Variants in CHGB observed in about 807,000 individuals in gnomAD.
CHGB encodes the protein chromogranin B.
In CHGB, 46 loss-of-function variants were observed where a neutral mutation model predicts 69.9. That is an observed-to-expected ratio of 0.66 (90% CI 0.52 to 0.84). The LOEUF (loss-of-function observed/expected upper bound fraction) is 0.84, where lower values mean the gene tolerates loss of function less well. CHGB is among the 40% of genes least tolerant of loss of function. The pLI is 0.00. For synonymous variants in CHGB, 312 were observed against 298.2 expected (o/e 1.05, Z -0.48); for missense variants, 796 against 822.2 (o/e 0.97, Z 0.39).
At position 5,925,008 on chromosome 20, in the gene CHGB, G is replaced by A; in HGVS notation, c.1993G>A (p.Glu665Lys). The A allele has an allele frequency of 6.2e-7, 1 of 1,613,562 alleles. No homozygotes were observed. The highest frequency in any genetic ancestry group is 8.5e-7 in the Non-Finnish European group (1 of 1,179,690). ...CGAAAACTTGGCTGCAATGGATTTGGAACTACAGAAGATAGCTGAGAAATT... is the reference window on the plus strand; with the variant it reads ...CGAAAACTTGGCTGCAATGGATTTGAAACTACAGAAGATAGCTGAGAAATT... ...ELENLAAMDL[E>K]LQKIAEKFSQ... Residue 665 changes from glutamate to lysine, a missense_variant, in exon 5 of 5, where the codon GAA becomes AAA. Glu to Lys is a moderately conservative substitution (Grantham distance 56, BLOSUM62 1). Transcript: ENST00000378961.
At position 5,922,871 on chromosome 20, in the gene CHGB, A is replaced by T. The variant is rs236151; in HGVS notation, c.727A>T (p.Thr243Ser). 6.2e-7 allele frequency: 1 copy of T among 1,613,736 alleles called. No individual in the cohort carries two copies. The highest frequency in any genetic ancestry group is 8.5e-7 in the Non-Finnish European group (1 of 1,179,858). Reference protein sequence around the residue: ...EKSSQESGEETGSQENHPQES... With the variant: ...EKSSQESGEESGSQENHPQES... Reference sequence around the variant, plus strand: ...GAGTAGCCAGGAGAGTGGAGAGGAGACAGGGAGCCAGGAGAATCACCCCCA... The same window carrying T: ...GAGTAGCCAGGAGAGTGGAGAGGAGTCAGGGAGCCAGGAGAATCACCCCCA... Residue 243 changes from threonine to serine, a missense_variant, in exon 4 of 5, where the codon ACA (threonine) becomes TCA (serine). Around this residue, in one of 3 missense-constraint regions of CHGB, gnomAD observed 518 missense variants for 506.3 expected, o/e 1.02. Transcript: ENST00000378961.
intron 4 of CHGB, among the ~76,000 whole-genome samples, 153 bp from the exon 5 acceptor site, chr20:5,924,819 G>A (rs540420047): frequency 1.3e-5 from 2 of 152,294 alleles, no homozygotes; most frequent in African/African-American, 4.8e-5. Flanking sequence ...TGATGCCACT[G>A]GTCAGGGGAC....
At chr20:5,918,810 TAAAAAAAAAAAAA>T (rs71182109) in intron 3 of CHGB, among the ~76,000 whole-genome samples, 18 of 31,430 alleles carry the variant, frequency 5.7e-4, no homozygotes, top group East Asian at 1.5e-3. Flanking sequence ...AGTCTCTGTC[TAAAAAAAAAAAAA>T]AAAAAAAAAA....
rs1201996881 is a variant in CHGB at position 5,922,658 on chromosome 20, A to G, written c.514A>G (p.Asn172Asp). 1.2e-6 allele frequency: 2 copies of G among 1,613,900 alleles called. No individual in the cohort carries two copies. The highest frequency in any genetic ancestry group is 2.2e-5 in the East Asian group (1 of 44,864). ...REDEEEEEGE[N>D]YQKGERGEDS... ...GGATGAGGAGGAGGAGGAGGGAGAG[A>G]ACTATCAAAAAGGGGAGCGAGGGGA... Residue 172 changes from asparagine to aspartate, a missense_variant, in exon 4 of 5, where the codon AAC becomes GAC. Asn to Asp is a conservative substitution (Grantham distance 23, BLOSUM62 1). Around this residue, in one of 3 missense-constraint regions of CHGB, gnomAD observed 518 missense variants for 506.3 expected, o/e 1.02. Coordinates refer to ENST00000378961, the MANE Select transcript of CHGB (RefSeq NM_001819.3).
intron 1 of CHGB, 34 bp from the exon 2 acceptor site, chr20:5,916,292 T>G (rs765083560): frequency 1.2e-6 from 2 of 1,601,824 alleles, no homozygotes; most frequent in Non-Finnish European, 1.7e-6. Flanking sequence ...AAAAACCAAC[T>G]CAAGTCATTT....
intron 2 of CHGB, 100 bp downstream of exon 2, chr20:5,916,472 T>A (rs1241837937): frequency 9.5e-7 from 1 of 1,056,766 alleles, no homozygotes; most frequent in East Asian, 2.6e-5. Flanking sequence ...GACATAATCT[T>A]ACAAAGCCAG....
chr20:5,913,895 G>T (rs2088461166), intron 1 of CHGB, among the ~76,000 whole-genome samples: 1 of 151,970 alleles, frequency 6.6e-6, no homozygotes, highest in Non-Finnish European at 1.5e-5. Context: ...GACTCCCAAA[G>T]TGTTGAGATT....
intron 1 of CHGB, among the ~76,000 whole-genome samples, chr20:5,912,486 TA>T (rs10711879): frequency 0.41 from 60,928 of 149,880 alleles, 12,693 homozygotes; most frequent in African/African-American, 0.5. Flanking sequence ...TTTGGAGTAG[TA>T]AAAAAAAAAA....
chr20:5,917,400 A>G (rs2088482041), intron 3 of CHGB: 1 of 159,440 alleles, frequency 6.3e-6, no homozygotes, highest in African/African-American at 2.4e-5. Flanking sequence ...GAAGCTGAGA[A>G]GCAAGAAACT....
chr20:5,922,453 G>C lies in CHGB; in HGVS notation c.309G>C (p.Glu103Asp). 6.2e-7 allele frequency: 1 copy of C among 1,613,658 alleles called. No homozygotes were observed. The highest frequency in any genetic ancestry group is 8.5e-7 in the Non-Finnish European group (1 of 1,179,584). The change falls in exon 4 of 5, where the codon GAG becomes GAC. Residue 103 changes from glutamate (E) to aspartate (D), a missense_variant. Physicochemically the swap from Glu to Asp is conservative, Grantham distance 45. Around this residue, in one of 3 missense-constraint regions of CHGB, gnomAD observed 518 missense variants for 506.3 expected, o/e 1.02. Transcript: ENST00000378961. Reference sequence around the variant, plus strand: ...CCCACGAGTCCTCCAGCAGGGGAGAGGCAGGAGCCCCAGGGGAGGAGGACA... The same window carrying C: ...CCCACGAGTCCTCCAGCAGGGGAGACGCAGGAGCCCCAGGGGAGGAGGACA... ...SEAHESSSRG[E>D]AGAPGEEDIQ...
rs374835883 is a variant in CHGB at position 5,916,820 on chromosome 20, C to T, written c.97-6C>T. 4 of 1,613,980 alleles carry T rather than the reference C, an allele frequency of 2.5e-6. No homozygotes were observed. The African/African-American group carries it at 5.3e-5, about 22-fold the overall frequency. On this transcript the variant is annotated splice_polypyrimidine_tract_variant and splice_region_variant and intron_variant, in intron 2 of 4. Transcript: ENST00000378961. ...TTCTCCAACCTGCTTTCGGGTTTCC[C>T]CCCAGGTGACTCGCTGCATCATTGA... is the stretch of plus-strand genomic sequence containing the variant.
At chr20:5,913,172 G>A (rs1453688705) in intron 1 of CHGB, among the ~76,000 whole-genome samples, 1 of 152,078 alleles carries the variant, frequency 6.6e-6, no homozygotes, top group Non-Finnish European at 1.5e-5. Context: ...TTTAATAGCA[G>A]CTAAAATGAA....
chr20:5,916,517 C>A, intron 2 of CHGB, 145 bp downstream of exon 2: 1 of 755,096 alleles, frequency 1.3e-6, no homozygotes, highest in African/African-American at 1.7e-5. Context: ...GCAAGGGATG[C>A]CCCTCCTGCA....
intron 4 of CHGB, among the ~76,000 whole-genome samples, chr20:5,924,411 C>T (rs76657888): frequency 0.012 from 1,785 of 152,250 alleles, 33 homozygotes; most frequent in African/African-American, 0.041. Context: ...GCTGCCTGAT[C>T]ATCAGAATAT....
rs1201354485 is a variant in CHGB at position 5,924,073 on chromosome 20, T to C, written c.1929T>C (p.Ala643=). 2 of 1,612,230 alleles carry C rather than the reference T, an allele frequency of 1.2e-6. No homozygotes were observed. The highest frequency in any genetic ancestry group is 1.7e-6 in the Non-Finnish European group (2 of 1,179,144). ...AGGCAGAAAATGAAAAGGACAGGGCTGACCAGACAGTCCTGACAGAGGACG... is the reference window on the plus strand; with the variant it reads ...AGGCAGAAAATGAAAAGGACAGGGCCGACCAGACAGTCCTGACAGAGGACG... The part of the protein sequence containing the change: ...HQEAENEKDR[A]DQTVLTEDEK... Residue 643 remains alanine (A), a synonymous_variant, in exon 4 of 5, where the codon GCT becomes GCC. Transcript: ENST00000378961.
At position 5,922,341 on chromosome 20, in the gene CHGB, A is replaced by G. The variant is rs754660942; in HGVS notation, c.197A>G (p.Lys66Arg). 1.9e-6 allele frequency: 3 copies of G among 1,539,362 alleles called. No homozygotes were observed. Among genetic ancestry groups the G allele is most frequent in the Admixed American group, 2.1e-5 (1 of 48,208 alleles). The part of the protein sequence containing the change: ...ECRQVLKTSR[K>R]DVKDKETTEN... The stretch of plus-strand genomic sequence containing the variant: ...CTCTTCATTTTCATTATAGGTAGAA[A>G]AGACGTCAAAGACAAAGAGACAACT... Residue 66 changes from lysine (K) to arginine (R), a missense_variant, in exon 4 of 5, where the codon AAA becomes AGA. Lys to Arg is a conservative substitution (Grantham distance 26). This residue lies in a region of CHGB where 518 missense variants were observed against 506.3 expected (regional missense o/e 1.02). Transcript: ENST00000378961.
At position 5,922,676 on chromosome 20, in the gene CHGB, CG is replaced by C; in HGVS notation, c.533del (p.Arg178GlnfsTer31). 1.9e-6 allele frequency: 3 copies of C among 1,613,610 alleles called. No individual in the cohort carries two copies. Among genetic ancestry groups the C allele is most frequent in the Non-Finnish European group, 2.5e-6 (3 of 1,179,806 alleles). The stretch of plus-strand genomic sequence containing the variant: ...GGGAGAGAACTATCAAAAAGGGGAG[CG>C]AGGGGAAGATAGCAGTGAAGAGAAA... The part of the protein sequence containing the change: ...EEGENYQKGE[R>X]GEDSSEEKHL... On this transcript the variant is annotated frameshift_variant, in exon 4 of 5. Coordinates refer to ENST00000378961, the MANE Select transcript of CHGB (RefSeq NM_001819.3). LOFTEE classifies it high-confidence loss of function.
At chr20:5,924,735 C>T (rs2088539874) in intron 4 of CHGB, among the ~76,000 whole-genome samples, 1 of 152,130 alleles carries the variant, frequency 6.6e-6, no homozygotes, top group Admixed American at 6.5e-5. Flanking sequence ...TGAGGGATTC[C>T]TAGCCCCCAG....
chr20:5,918,172 C>A (rs1437403647), intron 3 of CHGB, among the ~76,000 whole-genome samples: 9 of 71,538 alleles, frequency 1.3e-4, no homozygotes, highest in African/African-American at 2.0e-4. Flanking sequence ...AAAAAAAAAA[C>A]TCTCATTGCC....
Sources: gnomAD v4.1 joint callset for allele counts (sites outside exome capture counted in the v4.1 genomes callset) on GRCh38, gnomAD v4.1.1 for gene constraint, gnomAD v4.1.1 regional missense constraint, MANE v1.5 for transcripts, NCBI Gene and HGNC (gene_info 2026-07-23, HGNC 2026-07-21) for gene names.